Variants in LZTS3 observed in about 807,000 individuals in gnomAD.
LZTS3 encodes the protein leucine zipper tumor suppressor family member 3.
Under a neutral mutation model 50.9 loss-of-function variants are expected in LZTS3, and 16 were observed. That is an observed-to-expected ratio of 0.31 (90% confidence interval 0.21 to 0.48). The LOEUF (loss-of-function observed/expected upper bound fraction) is 0.48, where lower values mean the gene tolerates loss of function less well. Among genes scored for constraint, LZTS3 ranks in the 20% least tolerant of loss-of-function variants. The pLI is 0.99. For synonymous variants in LZTS3, 408 were observed against 410.6 expected, an observed-to-expected ratio of 0.99 and a Z score of 0.08; for missense variants, 816 against 931.0, an observed-to-expected ratio of 0.88 and a Z score of 1.61.
At chr20:3,170,259 G>A (rs2066885440) in intron 1 of LZTS3, among the ~76,000 whole-genome samples, 1 of 152,096 alleles carries the variant, frequency 6.6e-6, no homozygotes, top group Non-Finnish European at 1.5e-5. Context: ...GGAGGCCAAG[G>A]CAGGCAAATC....
chr20:3,164,363 G>A lies in LZTS3; in HGVS notation c.*91C>T. On this transcript the variant is annotated 3_prime_UTR_variant, in exon 5 of 5. Coordinates refer to ENST00000337576, the MANE Select transcript of LZTS3 (RefSeq NM_001365618.1). ...AACCTCTTTGGTCTGGGGTTATGGG[G>A]TCTATGGGGAAGAGAGATGGAGGGG... is the stretch of plus-strand genomic sequence containing the variant. The A allele has an allele frequency of 1.5e-6, 2 of 1,365,164 alleles. No individual in the cohort carries two copies. The highest frequency in any genetic ancestry group is 2.0e-6 in the Non-Finnish European group (2 of 1,017,448). The allele number at this position is 1,365,164 out of a possible 1,614,324, so 84.6% of individuals were successfully genotyped here.
chr20:3,164,670 G>T lies in LZTS3; in HGVS notation c.1806C>A (p.Arg602=). Residue 602 remains arginine (R), a synonymous_variant, in exon 5 of 5, where the codon CGC becomes CGA. Transcript: ENST00000337576. The part of the protein sequence containing the change: ...ERQGASFAEE[R]RVWLEEKEKV... ...TCTCCTTCTCCTCCAGCCACACGCG[G>T]CGCTCCTCGGCGAAGCTGGCACCCT... 1 of 1,610,788 alleles carries T rather than the reference G, an allele frequency of 6.2e-7. No individual in the cohort carries two copies. The highest frequency in any genetic ancestry group is 8.5e-7 in the Non-Finnish European group (1 of 1,178,676).
At chr20:3,170,491 A>AAAAACAAAC (rs2066889510) in intron 1 of LZTS3, among the ~76,000 whole-genome samples, 2 of 140,172 alleles carry the variant, frequency 1.4e-5, no homozygotes, top group Non-Finnish European at 1.5e-5. Context: ...TACATCAAAA[A>AAAAACAAAC]AAAAAAAAAA....
chr20:3,165,168 T>C lies in LZTS3; in HGVS notation c.1324-16A>G. 2 of 1,524,000 alleles carry C rather than the reference T, an allele frequency of 1.3e-6. No homozygotes were observed. The highest frequency in any genetic ancestry group is 1.8e-6 in the Non-Finnish European group (2 of 1,134,604). The allele number at this position is 1,524,000 out of a possible 1,614,324, so 94.4% of individuals were successfully genotyped here. A position where few individuals can be genotyped will look rare whatever the true frequency, so the allele number is the denominator to read the frequency against. ...TCTGGCACACCTGGGCAGGAACAGG[T>C]GAGAGGAGAAGCCAGGTAAAGGCAG... On this transcript the variant is annotated splice_polypyrimidine_tract_variant and intron_variant, in intron 4 of 4. Transcript: ENST00000337576. This position sits in a 1 kb window ranked among gnomAD's most constrained non-coding sequence, Gnocchi z 5.0.
rs140282982 is a variant in LZTS3 at position 3,164,517 on chromosome 20, A to T, written c.1959T>A (p.His653Gln). The T allele has an allele frequency of 1.9e-6, 3 of 1,593,224 alleles. No homozygotes were observed. Among genetic ancestry groups the T allele is most frequent in the African/African-American group, 1.4e-5 (1 of 73,158 alleles). The change falls in exon 5 of 5, where the codon CAT becomes CAA. Residue 653 changes from histidine to glutamine, a missense_variant. By Grantham distance (24) the His-to-Gln change is conservative. This residue lies in a region of LZTS3 where 107 missense variants were observed against 130.4 expected (regional missense o/e 0.82). Coordinates refer to ENST00000337576, the MANE Select transcript of LZTS3 (RefSeq NM_001365618.1). ...GGGTCCAGGCCTTCTTCTCCTCGCCATGCTGGGGAGTGGGCGTGCTTGCAC... is the reference window on the plus strand; with the variant it reads ...GGGTCCAGGCCTTCTTCTCCTCGCCTTGCTGGGGAGTGGGCGTGCTTGCAC... ...AGGASTPTPQ[H>Q]GEEKKAWTPS...
At chr20:3,167,713 T>C in intron 2 of LZTS3, 25 bp downstream of exon 2, 1 of 985,618 alleles carries the variant, frequency 1.0e-6, no homozygotes, top group Non-Finnish European at 1.2e-6. Flanking sequence ...AAATTGAGGG[T>C]GGGGGTCCTT....
At chr20:3,172,328 G>A (rs2066911294) in intron 1 of LZTS3, among the ~76,000 whole-genome samples, 2 of 152,322 alleles carry the variant, frequency 1.3e-5, no homozygotes, top group Middle Eastern at 3.4e-3. Context: ...CTACATTGCA[G>A]GCATTTTAAG....
rs79496346 is a variant in LZTS3 at position 3,169,945 on chromosome 20, G to C, written c.-242-1984C>G. Reference sequence around the variant, plus strand: ...AGATTGAGATCATCAGTTTTCAAGGGTGCTGGGGGTGTAGGCCAGCACTGA... The same window carrying C: ...AGATTGAGATCATCAGTTTTCAAGGCTGCTGGGGGTGTAGGCCAGCACTGA... On this transcript the variant is annotated intron_variant, in intron 1 of 4. Coordinates refer to ENST00000337576, the MANE Select transcript of LZTS3 (RefSeq NM_001365618.1). 1.7e-3 allele frequency among the ~76,000 whole-genome samples: 259 copies of C among 150,564 alleles called. 1 individual carries two copies. The highest frequency in any genetic ancestry group is 6.1e-3 in the African/African-American group (249 of 40,980).
rs769023885 is a variant in LZTS3 at position 3,165,492 on chromosome 20, C to T, written c.1323+5G>A. Reference sequence around the variant, plus strand: ...AGAGGGGAGGCCCAGATCCCCAGCCCGCACCTCCCACTTAGTTTCCTCTAT... The same window carrying T: ...AGAGGGGAGGCCCAGATCCCCAGCCTGCACCTCCCACTTAGTTTCCTCTAT... On this transcript the variant is annotated splice_donor_5th_base_variant and intron_variant, in intron 4 of 4. Transcript: ENST00000337576. The surrounding 1 kb of genome is among the most constrained non-coding windows in gnomAD (Gnocchi z 5.0). The T allele has an allele frequency of 1.3e-6, 2 of 1,527,186 alleles. No homozygotes were observed. The highest frequency in any genetic ancestry group is 1.8e-6 in the Non-Finnish European group (2 of 1,142,106). 94.6% of individuals were successfully genotyped at this position (1,527,186 alleles called of 1,614,324 possible). A position where few individuals can be genotyped will look rare whatever the true frequency, so the allele number is the denominator to read the frequency against.
At chr20:3,167,498 C>A in intron 2 of LZTS3, 1 of 1,096,572 alleles carries the variant, frequency 9.1e-7, no homozygotes, top group Non-Finnish European at 1.1e-6. Flanking sequence ...GCCCCACCTC[C>A]GCCATGAGCT....
chr20:3,167,234 A>C (rs1600448817), intron 2 of LZTS3, 53 bp from the exon 3 acceptor site: 2 of 1,418,060 alleles, frequency 1.4e-6, no homozygotes, highest in Non-Finnish European at 9.2e-7. Flanking sequence ...TCCTATTCCC[A>C]CCACCCCAGC....
At chr20:3,171,517 T>C (rs966207660) in intron 1 of LZTS3, among the ~76,000 whole-genome samples, 3 of 152,018 alleles carry the variant, frequency 2.0e-5, no homozygotes, top group Admixed American at 6.6e-5. Context: ...TCCCAGCAGA[T>C]AGCCGGGCGT....
chr20:3,164,345 TTGGTC>T lies in LZTS3; in HGVS notation c.*104_*108del. The T allele has an allele frequency of 8.3e-7, 1 of 1,200,324 alleles. No individual in the cohort carries two copies. Among genetic ancestry groups the T allele is most frequent in the Non-Finnish European group, 1.1e-6 (1 of 886,378 alleles). 74.4% of individuals were successfully genotyped at this position (1,200,324 alleles called of 1,614,324 possible). On this transcript the variant is annotated 3_prime_UTR_variant, in exon 5 of 5. Coordinates refer to ENST00000337576, the MANE Select transcript of LZTS3 (RefSeq NM_001365618.1). ...GGTCACAGCTGCTTAGAGAACCTCT[TTGGTC>T]TGGGGTTATGGGGTCTATGGGGAAG...
chr20:3,169,326 C>T (rs1435315510), intron 1 of LZTS3, among the ~76,000 whole-genome samples: 1 of 152,200 alleles, frequency 6.6e-6, no homozygotes, highest in Non-Finnish European at 1.5e-5. Flanking sequence ...TCTCTTGCCA[C>T]CTCTGGGTGC....
At position 3,166,690 on chromosome 20, in the gene LZTS3, G is replaced by T; in HGVS notation, c.459+15C>A. The T allele has an allele frequency of 6.2e-7, 1 of 1,607,612 alleles. No homozygotes were observed. Among genetic ancestry groups the T allele is most frequent in the Non-Finnish European group, 8.5e-7 (1 of 1,175,030 alleles). On this transcript the variant is annotated intron_variant, in intron 3 of 4. Transcript: ENST00000337576. ...CAGAAAAAGGCTGTGAGGGTCTCAGGCCCTGCGGACTGACCTGGTCTAGCT... is the reference window on the plus strand; with the variant it reads ...CAGAAAAAGGCTGTGAGGGTCTCAGTCCCTGCGGACTGACCTGGTCTAGCT...
In LZTS3 at chr20:3,164,763, C is replaced by T; in HGVS notation, c.1713G>A (p.Arg571=). The change falls in exon 5 of 5, where the codon CGG becomes CGA. Residue 571 remains arginine, a synonymous_variant. Transcript: ENST00000337576. The stretch of plus-strand genomic sequence containing the variant: ...GCCGCCCCACCTCCCGCCGCAGGGC[C>T]CGCGTCCCGCTCTCCCCGCCAGCCT... ...EAEAGGESGT[R]ALRREVGRLQ... The T allele has an allele frequency of 6.6e-7, 1 of 1,522,872 alleles. No individual in the cohort carries two copies. 94.3% of individuals were successfully genotyped at this position (1,522,872 alleles called of 1,614,324 possible).
In LZTS3 at chr20:3,166,282, G is replaced by A. The variant is rs779936931; in HGVS notation, c.538C>T (p.Pro180Ser). 5.0e-5 allele frequency: 80 copies of A among 1,613,934 alleles called. No individual in the cohort carries two copies. Among genetic ancestry groups the A allele is most frequent in the Non-Finnish European group, 6.6e-5 (78 of 1,179,976 alleles). Reference sequence around the variant, plus strand: ...TCAGGAGTCCCATTGGTCTGCGGGGGGCACAAATTCTGCATGGAGTGGAAA... The same window carrying A: ...TCAGGAGTCCCATTGGTCTGCGGGGAGCACAAATTCTGCATGGAGTGGAAA... ...KNFHSMQNLCPPQTNGTPEGR... is the reference protein window; with the variant it reads ...KNFHSMQNLCSPQTNGTPEGR... The change falls in exon 4 of 5, where the codon CCC (proline) becomes TCC (serine). Residue 180 changes from proline (P) to serine (S), a missense_variant. Around this residue, in one of 3 missense-constraint regions of LZTS3, gnomAD observed 700 missense variants for 769.4 expected, o/e 0.91. Coordinates refer to ENST00000337576, the MANE Select transcript of LZTS3 (RefSeq NM_001365618.1).
At position 3,165,959 on chromosome 20, in the gene LZTS3, C is replaced by A. The variant is rs768101491; in HGVS notation, c.861G>T (p.Ser287=). The change falls in exon 4 of 5, where the codon TCG becomes TCT. Residue 287 remains serine, a synonymous_variant. Transcript: ENST00000337576. The surrounding 1 kb of genome is among the most constrained non-coding windows in gnomAD (Gnocchi z 5.0). ...DSGRASSKSG[S]SSSMGRPGHL... The stretch of plus-strand genomic sequence containing the variant: ...GGCCTGGCCGCCCCATAGATGACGA[C>A]GACCCACTCTTGCTGGAGGCCCGTC... 8 of 1,613,032 alleles carry A rather than the reference C, an allele frequency of 5.0e-6. No homozygotes were observed. Among genetic ancestry groups the A allele is most frequent in the Non-Finnish European group, 6.8e-6 (8 of 1,180,022 alleles).
rs761681400 is a variant in LZTS3 at position 3,165,892 on chromosome 20, C to A, written c.928G>T (p.Ala310Ser). 1.2e-6 allele frequency: 2 copies of A among 1,607,928 alleles called. No individual in the cohort carries two copies. Among genetic ancestry groups the A allele is most frequent in the Admixed American group, 1.7e-5 (1 of 59,928 alleles). ...CTGGGGGAGGGCGGTGAGCAGGCCG[C>A]GAAAGGCAGGCCTCCACCTCCGCCC... is the stretch of plus-strand genomic sequence containing the variant. The part of the protein sequence containing the change: ...GEGGGGGLPF[A>S]ACSPPSPSAL... The change falls in exon 4 of 5, where the codon GCG (alanine) becomes TCG (serine). Residue 310 changes from alanine (A) to serine (S), a missense_variant. By Grantham distance (99) the Ala-to-Ser change is moderately conservative (BLOSUM62 1). Coordinates refer to ENST00000337576, the MANE Select transcript of LZTS3 (RefSeq NM_001365618.1). The surrounding 1 kb of genome is among the most constrained non-coding windows in gnomAD (Gnocchi z 5.0).
Sources: gnomAD v4.1 joint callset for allele counts (sites outside exome capture counted in the v4.1 genomes callset) on GRCh38, gnomAD v4.1.1 for gene constraint, gnomAD v4.1.1 regional missense constraint, Gnocchi (gnomAD v3.1) non-coding constraint, MANE v1.5 for transcripts, NCBI Gene and HGNC (gene_info 2026-07-23, HGNC 2026-07-21) for gene names.